TBC1D30: variants seen among roughly 807,000 people sequenced by gnomAD.
TBC1D30 encodes TBC1 domain family member 30, also known as TBC1 domain family, member 30.
In TBC1D30, 31 loss-of-function variants were observed where a neutral mutation model predicts 63.2. That is an observed-to-expected ratio of 0.49 (90% confidence interval 0.37 to 0.66). The LOEUF is 0.66. Ranked by LOEUF, TBC1D30 falls within the 30% of genes least tolerant of loss-of-function variation. The pLI is 0.00. For synonymous variants in TBC1D30, 307 were observed against 361.5 expected (o/e 0.85, Z 1.71); for missense variants, 810 against 953.6 (o/e 0.85, Z 1.98).
At position 64,762,838 on chromosome 12, in the gene TBC1D30, G is replaced by T. The variant is rs116600149; in HGVS notation, c.-376+3189G>T. ...TTTGATCAGTATTTGCCTTTTATTG[G>T]TGATAATTCAGAAAAATTATTTTTC... On this transcript the variant is annotated intron_variant, in intron 1 of 13. Coordinates refer to the TBC1D30 transcript ENST00000674237. 8.6e-3 allele frequency among the ~76,000 whole-genome samples: 1,315 copies of T among 152,082 alleles called. 20 individuals carry two copies. Among genetic ancestry groups the T allele is most frequent in the African/African-American group, 0.03 (1,245 of 41,486 alleles).
intron 2 of TBC1D30, among the ~76,000 whole-genome samples, chr12:64,787,130 A>G (rs1871639499): frequency 6.6e-6 from 1 of 152,226 alleles, no homozygotes; most frequent in Admixed American, 6.5e-5. Flanking sequence ...TGAAGATGGC[A>G]ACATAGTTTA....
chr12:64,793,903 G>A (rs1050675701), intron 2 of TBC1D30, among the ~76,000 whole-genome samples: 2 of 152,110 alleles, frequency 1.3e-5, no homozygotes, highest in African/African-American at 4.8e-5. Context: ...CTCCTGTGGT[G>A]GATCTCTTGT....
At chr12:64,851,926 G>A (rs1876909116) in intron 8 of TBC1D30, among the ~76,000 whole-genome samples, 1 of 152,138 alleles carries the variant, frequency 6.6e-6, no homozygotes, top group South Asian at 2.1e-4. Context: ...TGGGTAAACC[G>A]ACCTTTCTTT....
At chr12:64,832,826 C>A (rs2136375149) in intron 5 of TBC1D30, among the ~76,000 whole-genome samples, 1 of 152,328 alleles carries the variant, frequency 6.6e-6, no homozygotes, top group African/African-American at 2.4e-5. Context: ...TGGCTGTTGA[C>A]TGGAGGCCTT....
intron 1 of TBC1D30, among the ~76,000 whole-genome samples, chr12:64,772,560 G>T (rs1156550071): frequency 6.6e-6 from 1 of 152,068 alleles, no homozygotes; most frequent in African/African-American, 2.4e-5. Context: ...TTCCCAAGTA[G>T]CTGGGATTAC....
intron 1 of TBC1D30, chr12:64,768,689 T>C (rs895333290): frequency 1.3e-5 from 2 of 152,140 alleles, no homozygotes; most frequent in Admixed American, 6.6e-5. Flanking sequence ...TCATTTTCAA[T>C]TGATGTAGTT....
At chr12:64,764,422 T>C (rs1870631075) in intron 1 of TBC1D30, among the ~76,000 whole-genome samples, 1 of 152,220 alleles carries the variant, frequency 6.6e-6, no homozygotes, top group Admixed American at 6.5e-5. Flanking sequence ...AGTGTAACTT[T>C]CACTTAACGT....
chr12:64,825,158 G>A, intron 1 of TBC1D30, 125 bp downstream of exon 1: 2 of 1,345,636 alleles, frequency 1.5e-6, no homozygotes, highest in East Asian at 2.6e-5. Context: ...CACCTGGTGC[G>A]GGGCACCGCG....
At chr12:64,818,692 C>T (rs570381627) in intron 2 of TBC1D30, 2 of 152,554 alleles carry the variant, frequency 1.3e-5, no homozygotes. Flanking sequence ...CCGCCTCAGC[C>T]TCCCAAAGTG....
chr12:64,815,521 A>G (rs749987153), intron 2 of TBC1D30, among the ~76,000 whole-genome samples: 3 of 152,222 alleles, frequency 2.0e-5, no homozygotes, highest in African/African-American at 4.8e-5. Flanking sequence ...CTTTAAATTT[A>G]TTGCAAAGTA....
intron 1 of TBC1D30, among the ~76,000 whole-genome samples, chr12:64,774,179 GA>G (rs1350217089): frequency 2.0e-5 from 3 of 152,124 alleles, no homozygotes; most frequent in African/African-American, 7.2e-5. Flanking sequence ...ATCAAGCAGA[GA>G]AAAGAATCTC....
chr12:64,833,121 G>A (rs1278308162), intron 5 of TBC1D30, among the ~76,000 whole-genome samples: 3 of 152,154 alleles, frequency 2.0e-5, no homozygotes, highest in Non-Finnish European at 4.4e-5. Context: ...TGATTGGATT[G>A]CCTTATTGAG....
chr12:64,874,671 C>A (rs573467394), intron 11 of TBC1D30, among the ~76,000 whole-genome samples: 1 of 152,046 alleles, frequency 6.6e-6, no homozygotes, highest in Admixed American at 6.5e-5. Context: ...AGTACAGTAA[C>A]TCAGAGGTTG....
chr12:64,761,917 G>A (rs1870529052), intron 1 of TBC1D30, among the ~76,000 whole-genome samples: 1 of 152,152 alleles, frequency 6.6e-6, no homozygotes, highest in Non-Finnish European at 1.5e-5. Context: ...TGCTACACTA[G>A]TGCTGAAGAG....
exon 2 of TBC1D30, chr12:64,785,933 C>T: frequency 7.8e-7 from 1 of 1,289,846 alleles, no homozygotes; most frequent in Non-Finnish European, 1.0e-6. Context: ...GAATTGGCAT[C>T]CAGTCGGCCA....
chr12:64,814,800 A>C (rs1403370541), intron 2 of TBC1D30, among the ~76,000 whole-genome samples: 2 of 152,248 alleles, frequency 1.3e-5, no homozygotes, highest in African/African-American at 4.8e-5. Context: ...CTGCTTCCTT[A>C]GGAGTATTTC....
At chr12:64,832,328 G>A (rs1216519361) in intron 5 of TBC1D30, 24 bp downstream of exon 5, 3 of 1,523,790 alleles carry the variant, frequency 2.0e-6, no homozygotes, top group Admixed American at 4.0e-5. Flanking sequence ...TCTGACAAAG[G>A]CCATGGACAT....
chr12:64,789,464 G>A lies in TBC1D30; in HGVS notation c.643+3419G>A, dbSNP rs985458950. Reference sequence around the variant, plus strand: ...CTCCCAAAATGCTGGGATTACAGGTGTGAGCCACCTCACCTGACATATTTT... The same window carrying A: ...CTCCCAAAATGCTGGGATTACAGGTATGAGCCACCTCACCTGACATATTTT... On this transcript the variant is annotated intron_variant, in intron 2 of 12. Coordinates refer to the TBC1D30 transcript ENST00000542120. Among the ~76,000 whole-genome samples, 13 of 152,110 alleles carry A rather than the reference G, an allele frequency of 8.5e-5. No homozygotes were observed. In the East Asian group the frequency reaches 2.1e-3, roughly 25 times the overall value.
intron 2 of TBC1D30, among the ~76,000 whole-genome samples, chr12:64,788,967 T>C (rs1200985080): frequency 1.3e-5 from 2 of 152,308 alleles, no homozygotes; most frequent in East Asian, 3.9e-4. Context: ...ATTCCAGTAG[T>C]TGCATGTTTT....
Sources: gnomAD v4.1 joint callset for allele counts (sites outside exome capture counted in the v4.1 genomes callset) on GRCh38, gnomAD v4.1.1 for gene constraint, MANE v1.5 for transcripts, NCBI Gene and HGNC (gene_info 2026-07-23, HGNC 2026-07-21) for gene names.